The following TNKS variants were observed in gnomAD, a reference collection of about 807,000 sequenced individuals.
TNKS encodes the protein poly [ADP-ribose] polymerase tankyrase-1.
In TNKS, 72 loss-of-function variants were observed where a neutral mutation model predicts 135.8. The ratio of observed to expected loss-of-function variants is 0.53; its 90% confidence interval spans 0.44 to 0.64. The LOEUF (loss-of-function observed/expected upper bound fraction) is 0.64, where lower values mean the gene tolerates loss of function less well. TNKS is among the 30% of genes least tolerant of loss of function. TNKS has a pLI of 0.00. For synonymous variants in TNKS, 849 were observed against 649.3 expected (o/e 1.31, Z -4.68); for missense variants, 1,769 against 1,674.0 (o/e 1.06, Z -0.99).
At chr8:9,627,913 A>G (rs188631929) in intron 3 of TNKS, among the ~76,000 whole-genome samples, 4 of 152,296 alleles carry the variant, frequency 2.6e-5, no homozygotes, top group Admixed American at 2.6e-4. Context: ...GCCATCAAAA[A>G]GAACTTATTG....
chr8:9,591,522 T>C (rs559074305), intron 2 of TNKS, among the ~76,000 whole-genome samples: 64 of 152,344 alleles, frequency 4.2e-4, no homozygotes, highest in African/African-American at 1.4e-3. Flanking sequence ...GCTGAGCATG[T>C]TGAGAATATT....
At chr8:9,564,171 G>A (rs1797439559) in intron 1 of TNKS, among the ~76,000 whole-genome samples, 1 of 152,138 alleles carries the variant, frequency 6.6e-6, no homozygotes, top group Non-Finnish European at 1.5e-5. Context: ...GTCTCTTCCT[G>A]ATAGATTACT....
intron 1 of TNKS, among the ~76,000 whole-genome samples, chr8:9,562,185 G>C (rs61551896): frequency 6.6e-6 from 1 of 151,704 alleles, no homozygotes; most frequent in African/African-American, 2.4e-5. Flanking sequence ...ATTCAGTTTT[G>C]TTGGGTTATC....
chr8:9,755,100 C>G (rs1014703885), intron 20 of TNKS, among the ~76,000 whole-genome samples: 3 of 152,152 alleles, frequency 2.0e-5, no homozygotes, highest in Admixed American at 1.3e-4. Context: ...TGAAAGTTTT[C>G]TAAAGAATGT....
intron 3 of TNKS, among the ~76,000 whole-genome samples, chr8:9,659,181 CAG>C (rs1262570100): frequency 1.3e-5 from 2 of 152,156 alleles, no homozygotes; most frequent in African/African-American, 2.4e-5. Context: ...ATCAAGAAGA[CAG>C]AAAGTTAACA....
chr8:9,577,368 G>A (rs1173424871), intron 1 of TNKS, among the ~76,000 whole-genome samples: 1 of 151,892 alleles, frequency 6.6e-6, no homozygotes, highest in African/African-American at 2.4e-5. Context: ...GTCCGTTCTT[G>A]CATTGCTATA....
At chr8:9,694,813 G>A (rs1803440286) in intron 5 of TNKS, among the ~76,000 whole-genome samples, 1 of 151,474 alleles carries the variant, frequency 6.6e-6, no homozygotes, top group South Asian at 2.1e-4. Flanking sequence ...AAGAAAACAG[G>A]TAATTATATG....
At chr8:9,770,036 A>C in intron 25 of TNKS, 70 bp from the exon 26 acceptor site, 4 of 1,371,644 alleles carry the variant, frequency 2.9e-6, no homozygotes, top group South Asian at 1.6e-5. Context: ...AAAAATTAAT[A>C]GATCTAGCAG....
intron 6 of TNKS, among the ~76,000 whole-genome samples, 180 bp downstream of exon 6, chr8:9,704,937 C>G (rs1255358994): frequency 6.6e-6 from 1 of 152,176 alleles, no homozygotes; most frequent in Non-Finnish European, 1.5e-5. Context: ...GGATACTTCT[C>G]ATAATAATTT....
intron 5 of TNKS, among the ~76,000 whole-genome samples, chr8:9,683,681 G>GT (rs541589619): frequency 9.7e-4 from 145 of 150,242 alleles, no homozygotes; most frequent in South Asian, 4.0e-3. Flanking sequence ...GAGACTTTAG[G>GT]TTTTTTTTTA....
rs7816968 is a variant in TNKS, at chr8:9,746,672, C to A, written c.2644-1352C>A. 9.8e-3 allele frequency among the ~76,000 whole-genome samples: 1,493 copies of A among 152,208 alleles called. 11 individuals carry two copies. Among genetic ancestry groups the A allele is most frequent in the Non-Finnish European group, 0.017 (1,158 of 68,010 alleles). On this transcript the variant is annotated intron_variant, in intron 17 of 26. Transcript: ENST00000310430. ...TCCATTTCGTAATCTCCCTGGAGCC[C>A]CCAGCCCCAGTCCTCAGCCCTCCAT...
In TNKS at chr8:9,759,924, G is replaced by T. The variant is rs556442710; in HGVS notation, c.3154-1592G>T. 2.6e-5 allele frequency among the ~76,000 whole-genome samples: 4 copies of T among 151,670 alleles called. No homozygotes were observed. The South Asian group carries it at 8.3e-4, about 32-fold the overall frequency. ...CAGGAGGCGGAGGTTGCAGTGAGCC[G>T]CTGAGATCGCGCCACTGCACTCCAG... On this transcript the variant is annotated intron_variant, in intron 20 of 26. Transcript: ENST00000310430.
chr8:9,729,543 C>T (rs1028098928), intron 13 of TNKS, among the ~76,000 whole-genome samples: 1 of 151,980 alleles, frequency 6.6e-6, no homozygotes, highest in Non-Finnish European at 1.5e-5. Context: ...GGAAAGTAAG[C>T]GATGATGCAT....
At chr8:9,606,201 A>AT (rs1483355086) in intron 2 of TNKS, among the ~76,000 whole-genome samples, 10 of 127,108 alleles carry the variant, frequency 7.9e-5, no homozygotes, top group Non-Finnish European at 1.7e-5. Context: ...TTTCAGCATG[A>AT]TTTGTTGAAT....
In TNKS at chr8:9,658,612, A is replaced by G. The variant is rs187941221; in HGVS notation, c.995-21339A>G. 1.2e-4 allele frequency among the ~76,000 whole-genome samples: 19 copies of G among 152,372 alleles called. No homozygotes were observed. The East Asian group carries it at 3.3e-3, about 26-fold the overall frequency. On this transcript the variant is annotated intron_variant, in intron 3 of 26. Coordinates refer to ENST00000310430, the MANE Select transcript of TNKS (RefSeq NM_003747.3). ...CTAAACATGGAAAGGAACAACCGGT[A>G]ACAGCCACTGCAAAAACATGCCAAA... is the stretch of plus-strand genomic sequence containing the variant.
At chr8:9,771,220 A>T (rs926446630) in intron 26 of TNKS, among the ~76,000 whole-genome samples, 1 of 136,282 alleles carries the variant, frequency 7.3e-6, no homozygotes, top group African/African-American at 2.7e-5. Flanking sequence ...AGAGAGAGGA[A>T]GGGAGGGAGA....
intron 5 of TNKS, among the ~76,000 whole-genome samples, chr8:9,684,885 A>G (rs1055150916): frequency 1.3e-5 from 2 of 152,156 alleles, no homozygotes; most frequent in African/African-American, 2.4e-5. Context: ...AAGCTAATGC[A>G]TTAAAATGAT....
chr8:9,647,692 C>T (rs1800968684), intron 3 of TNKS, among the ~76,000 whole-genome samples: 1 of 152,112 alleles, frequency 6.6e-6, no homozygotes, highest in African/African-American at 2.4e-5. Context: ...ACTTGTGCCC[C>T]TTGAAGTCAG....
intron 3 of TNKS, 182 bp from the exon 4 acceptor site, chr8:9,679,769 C>T (rs1393042905): frequency 1.2e-5 from 6 of 510,226 alleles, no homozygotes; most frequent in Admixed American, 6.4e-5. Context: ...ATTTGCTGCC[C>T]GTCTCCAAGG....
Sources: allele counts gnomAD v4.1 joint callset (sites outside exome capture counted in the v4.1 genomes callset), GRCh38; gene constraint gnomAD v4.1.1; transcripts MANE v1.5; gene names NCBI Gene and HGNC (gene_info 2026-07-23, HGNC 2026-07-21).